Variants in KIAA1328 observed in about 807,000 individuals in gnomAD.
KIAA1328 encodes protein hinderin.
KIAA1328 carries 52 observed loss-of-function variants against 68.1 expected under a neutral mutation model. That is an observed-to-expected ratio of 0.76 (90% CI 0.61 to 0.96). The LOEUF is 0.96. Ranked by LOEUF, KIAA1328 falls within the 40% of genes least tolerant of loss-of-function variation. The pLI is 0.00. For missense variants in KIAA1328, 641 were observed against 677.6 expected, an observed-to-expected ratio of 0.95 and a Z score of 0.60; for synonymous variants, 232 against 239.4, an observed-to-expected ratio of 0.97 and a Z score of 0.28.
intron 6 of KIAA1328, among the ~76,000 whole-genome samples, chr18:36,976,238 C>G (rs898155760): frequency 5.9e-5 from 9 of 152,058 alleles, no homozygotes; most frequent in African/African-American, 2.2e-4. Context: ...AGTTCTGGAA[C>G]AGAAATTAAT....
intron 4 of KIAA1328, among the ~76,000 whole-genome samples, chr18:36,870,697 T>C (rs2150927623): frequency 6.6e-6 from 1 of 152,352 alleles, no homozygotes; most frequent in Admixed American, 6.5e-5. Context: ...ATTGGTGCAG[T>C]ATTATTAACT....
chr18:37,010,856 G>A (rs2053955400), intron 6 of KIAA1328, among the ~76,000 whole-genome samples: 2 of 152,082 alleles, frequency 1.3e-5, no homozygotes, highest in African/African-American at 4.8e-5. Flanking sequence ...GGATAGAGGT[G>A]TATATAGCAA....
At chr18:37,169,537 G>A (rs2059459435) in intron 8 of KIAA1328, among the ~76,000 whole-genome samples, 1 of 151,974 alleles carries the variant, frequency 6.6e-6, no homozygotes, top group African/African-American at 2.4e-5. Flanking sequence ...GTGTGTGTGT[G>A]TGTTTAAATA....
Position 37,007,636 on chromosome 18 carries a change from T to A in KIAA1328, c.576+48201T>A, listed in dbSNP as rs767034691. Among the ~76,000 whole-genome samples, 166 of 152,176 alleles carry A rather than the reference T, an allele frequency of 1.1e-3. 1 individual carries two copies. The highest frequency in any genetic ancestry group is 2.6e-4 in the Non-Finnish European group (18 of 68,044). On this transcript the variant is annotated intron_variant, in intron 6 of 9. Coordinates refer to ENST00000280020, the MANE Select transcript of KIAA1328 (RefSeq NM_020776.3). ...ATAAATAGAAGAGGAGCCAATCTGA[T>A]GAGAAATAAAATTAGACAAGTTTCT...
At chr18:37,110,825 G>A (rs371038274) in intron 7 of KIAA1328, among the ~76,000 whole-genome samples, 16 of 152,270 alleles carry the variant, frequency 1.1e-4, no homozygotes, top group East Asian at 7.7e-4. Context: ...GGTGGTTGCC[G>A]TCTCAGAAGA....
At chr18:37,230,830 C>A (rs145607489), downstream of KIAA1328, 36 of 152,310 alleles carry the variant, frequency 2.4e-4, no homozygotes, top group African/African-American at 8.4e-4. Context: ...CTAGCATTTT[C>A]TTTCTTACAA....
At position 36,924,466 on chromosome 18, in the gene KIAA1328, G is replaced by C. The variant is rs141486845; in HGVS notation, c.449-34842G>C. Among the ~76,000 whole-genome samples the C allele has an allele frequency of 6.6e-5, 10 of 152,258 alleles. No homozygotes were observed. The East Asian group carries it at 1.7e-3, about 27-fold the overall frequency. Reference sequence around the variant, plus strand: ...CAGAATCTGAATGACCCTGATTTCTGGATTGAGCATATAGAGACAAGATAG... The same window carrying C: ...CAGAATCTGAATGACCCTGATTTCTCGATTGAGCATATAGAGACAAGATAG... On this transcript the variant is annotated intron_variant, in intron 5 of 9. Transcript: ENST00000280020.
At position 36,844,195 on chromosome 18, in the gene KIAA1328, T is replaced by G. The variant is rs751827847; in HGVS notation, c.238-13T>G. ...GTTTTAGAAAAAGTGTAACTAAATT[T>G]TTTTTTTTTAAGAATTCCTGCAGGG... On this transcript the variant is annotated splice_polypyrimidine_tract_variant and intron_variant, in intron 3 of 9. Coordinates refer to ENST00000280020, the MANE Select transcript of KIAA1328 (RefSeq NM_020776.3). 3 of 1,558,870 alleles carry G rather than the reference T, an allele frequency of 1.9e-6. No individual in the cohort carries two copies. Among genetic ancestry groups the G allele is most frequent in the Non-Finnish European group, 2.6e-6 (3 of 1,153,774 alleles).
At chr18:36,942,523 C>T (rs2050752943) in intron 5 of KIAA1328, among the ~76,000 whole-genome samples, 2 of 152,128 alleles carry the variant, frequency 1.3e-5, no homozygotes, top group East Asian at 3.8e-4. Context: ...TGCAGCTATA[C>T]GTATGGTAAA....
At chr18:37,019,231 A>G (rs952539229) in intron 6 of KIAA1328, among the ~76,000 whole-genome samples, 6 of 150,176 alleles carry the variant, frequency 4.0e-5, no homozygotes, top group Admixed American at 3.3e-4. Flanking sequence ...GCTTTGCTTC[A>G]GTAGCCCTGT....
chr18:37,186,923 C>G (rs964026837), intron 9 of KIAA1328, among the ~76,000 whole-genome samples: 16 of 152,120 alleles, frequency 1.1e-4, no homozygotes, highest in African/African-American at 3.4e-4. Flanking sequence ...CCTGTAATCC[C>G]AGCACTTTGG....
At chr18:37,083,602 A>G (rs529044790) in intron 7 of KIAA1328, among the ~76,000 whole-genome samples, 62 of 152,290 alleles carry the variant, frequency 4.1e-4, no homozygotes, top group Non-Finnish European at 7.6e-4. Context: ...GTAAGCATTG[A>G]TGGATACAGT....
chr18:37,211,304 T>C (rs1171202437), intron 9 of KIAA1328, among the ~76,000 whole-genome samples: 1 of 152,164 alleles, frequency 6.6e-6, no homozygotes, highest in Non-Finnish European at 1.5e-5. Context: ...CACTTATACC[T>C]CTCTGGACCT....
In KIAA1328 at chr18:37,024,697, G is replaced by A. The variant is rs530861106; in HGVS notation, c.577-42193G>A. On this transcript the variant is annotated intron_variant, in intron 6 of 9. Transcript: ENST00000280020. Reference sequence around the variant, plus strand: ...CCAGCTTCATCTGTGTACCTACAAAGGACATGAACTCATCATTTTTTATTG... The same window carrying A: ...CCAGCTTCATCTGTGTACCTACAAAAGACATGAACTCATCATTTTTTATTG... Among the ~76,000 whole-genome samples the A allele has an allele frequency of 9.9e-5, 15 of 152,232 alleles. No individual in the cohort carries two copies. In the East Asian group the frequency reaches 2.7e-3, roughly 27 times the overall value.
In KIAA1328 at chr18:37,030,733, G is replaced by A. The variant is rs2054790725; in HGVS notation, c.577-36157G>A. Among the ~76,000 whole-genome samples, 3 of 152,062 alleles carry A rather than the reference G, an allele frequency of 2.0e-5. No individual in the cohort carries two copies. The South Asian group carries it at 6.2e-4, about 32-fold the overall frequency. On this transcript the variant is annotated intron_variant, in intron 6 of 9. Coordinates refer to ENST00000280020, the MANE Select transcript of KIAA1328 (RefSeq NM_020776.3). ...GTTCTAGGGTACATGTGCACAACGT[G>A]CAGGTTTGTTACATATGTATACATG...
chr18:37,222,857 G>A lies in KIAA1328; in HGVS notation c.*630G>A. 1 of 988,200 alleles carries A rather than the reference G, an allele frequency of 1.0e-6. No individual in the cohort carries two copies. The highest frequency in any genetic ancestry group is 1.2e-6 in the Non-Finnish European group (1 of 831,978). The allele number at this position is 988,200 out of a possible 1,614,324, so 61.2% of individuals were successfully genotyped here. On this transcript the variant is annotated 3_prime_UTR_variant, in exon 10 of 10. Coordinates refer to ENST00000280020, the MANE Select transcript of KIAA1328 (RefSeq NM_020776.3). Reference sequence around the variant, plus strand: ...AAGAGCTCAATGGGCTGGAGGGTGAGACCCAGCCAATCCTTGGGAGCAAGC... The same window carrying A: ...AAGAGCTCAATGGGCTGGAGGGTGAAACCCAGCCAATCCTTGGGAGCAAGC...
At chr18:36,972,085 A>G (rs147755921) in intron 6 of KIAA1328, among the ~76,000 whole-genome samples, 1,734 of 152,336 alleles carry the variant, frequency 0.011, 29 homozygotes, top group Non-Finnish European at 0.014. Flanking sequence ...TAATCAGTGG[A>G]ACAAAATTGT....
In KIAA1328 at chr18:37,222,959, A is replaced by G. The variant is rs939498238; in HGVS notation, c.*732A>G. The stretch of plus-strand genomic sequence containing the variant: ...CACAAGCCTGAAGCACTCTTCTACC[A>G]ATGTTTGGGTGACCACCCCTCCAAT... On this transcript the variant is annotated 3_prime_UTR_variant, in exon 10 of 10. Transcript: ENST00000280020. 5.1e-6 allele frequency: 5 copies of G among 985,312 alleles called. No homozygotes were observed. The highest frequency in any genetic ancestry group is 6.0e-6 in the Non-Finnish European group (5 of 830,016). 61.0% of individuals were successfully genotyped at this position (985,312 alleles called of 1,614,324 possible).
At chr18:37,193,608 A>G (rs1215420169) in intron 9 of KIAA1328, 1 of 702,720 alleles carries the variant, frequency 1.4e-6, no homozygotes, top group Non-Finnish European at 2.6e-6. Flanking sequence ...ATCTCCACAA[A>G]GATCTGCTTC....
Sources: allele counts gnomAD v4.1 joint callset (sites outside exome capture counted in the v4.1 genomes callset), GRCh38; gene constraint gnomAD v4.1.1; transcripts MANE v1.5; gene names NCBI Gene and HGNC (gene_info 2026-07-23, HGNC 2026-07-21).